Variants in LTBP1 observed in about 807,000 individuals in gnomAD.
LTBP1 encodes latent-transforming growth factor beta-binding protein 1.
In LTBP1, 129 loss-of-function variants were observed where a neutral mutation model predicts 207.6. That is an observed-to-expected ratio of 0.62 (90% CI 0.54 to 0.72). LTBP1 has a LOEUF of 0.72. LTBP1 is among the 30% of genes least tolerant of loss of function. The pLI is 0.00. For synonymous variants in LTBP1, 963 were observed against 833.7 expected (o/e 1.16, Z -2.67); for missense variants, 2,281 against 2,217.2 (o/e 1.03, Z -0.58).
At chr2:33,157,857 A>G (rs1338683209) in intron 5 of LTBP1, among the ~76,000 whole-genome samples, 3 of 152,146 alleles carry the variant, frequency 2.0e-5, no homozygotes, top group Non-Finnish European at 2.9e-5. Context: ...AAGAGAAAAT[A>G]TAGGCCACAT....
intron 5 of LTBP1, among the ~76,000 whole-genome samples, chr2:33,175,895 G>C (rs4442976): frequency 8.9e-6 from 1 of 111,938 alleles, no homozygotes; most frequent in African/African-American, 3.3e-5. Context: ...CTCAGTAAAC[G>C]ATCGCAAGAA....
chr2:32,948,311 C>T (rs1377774382), intron 1 of LTBP1, among the ~76,000 whole-genome samples: 1 of 152,174 alleles, frequency 6.6e-6, no homozygotes, highest in East Asian at 1.9e-4. Context: ...TTCGCTGCAC[C>T]TGTGGGGTCT....
At chr2:33,200,451 T>C (rs1381913515) in intron 7 of LTBP1, among the ~76,000 whole-genome samples, 7 of 151,984 alleles carry the variant, frequency 4.6e-5, no homozygotes, top group Admixed American at 3.3e-4. Context: ...GGATCTCTTC[T>C]TTATACCTTA....
intron 3 of LTBP1, among the ~76,000 whole-genome samples, chr2:33,102,414 A>G (rs2079790734): frequency 6.6e-6 from 1 of 152,180 alleles, no homozygotes; most frequent in South Asian, 2.1e-4. Flanking sequence ...CTGAGAAGCA[A>G]ATACAGCCCC....
chr2:33,398,419 G>C lies in LTBP1; in HGVS notation c.5040G>C (p.Lys1680Asn), dbSNP rs750533561. 1.4e-5 allele frequency: 23 copies of C among 1,614,060 alleles called. No individual in the cohort carries two copies. Among genetic ancestry groups the C allele is most frequent in the Non-Finnish European group, 1.9e-5 (22 of 1,180,024 alleles). Residue 1680 changes from lysine (K) to asparagine (N), a missense_variant, in exon 34 of 34, where the codon AAG becomes AAC. Lys to Asn is a moderately conservative substitution (Grantham distance 94). Coordinates refer to ENST00000404816, the MANE Select transcript of LTBP1 (RefSeq NM_206943.4). ...GGATGTCTCTCTGCAAGAATGCCAA[G>C]TGCATTAACACCGATGGTTCCTACA... Reference protein sequence around the residue: ...NNRMSLCKNAKCINTDGSYKC... With the variant: ...NNRMSLCKNANCINTDGSYKC...
intron 24 of LTBP1, 38 bp downstream of exon 24, chr2:33,315,307 AAAAG>A: frequency 1.2e-6 from 2 of 1,608,142 alleles, no homozygotes; most frequent in Non-Finnish European, 1.7e-6. Context: ...GTTGTGTGAT[AAAAG>A]AGAGAGGAGA....
chr2:32,978,484 T>C (rs1049038081), intron 2 of LTBP1, among the ~76,000 whole-genome samples: 36 of 152,344 alleles, frequency 2.4e-4, no homozygotes, highest in African/African-American at 7.9e-4. Flanking sequence ...TCCTTCATTC[T>C]GTTGATATGA....
intron 3 of LTBP1, among the ~76,000 whole-genome samples, chr2:33,057,920 G>C (rs2077084442): frequency 6.6e-6 from 1 of 152,264 alleles, no homozygotes; most frequent in Non-Finnish European, 1.5e-5. Context: ...CGGCCAGAAT[G>C]GGCGCCAAGG....
chr2:33,106,606 AT>A (rs1438563554), intron 3 of LTBP1, among the ~76,000 whole-genome samples: 9 of 151,640 alleles, frequency 5.9e-5, no homozygotes, highest in Non-Finnish European at 1.3e-4. Context: ...TTGAAAGGAA[AT>A]CTTTTTCTTT....
At position 33,231,506 on chromosome 2, in the gene LTBP1, A is replaced by G. The variant is rs997909822; in HGVS notation, c.1876+9355A>G. Among the ~76,000 whole-genome samples the G allele has an allele frequency of 5.3e-5, 8 of 152,328 alleles. No individual in the cohort carries two copies. In the South Asian group the frequency reaches 1.0e-3, roughly 20 times the overall value. On this transcript the variant is annotated intron_variant, in intron 9 of 33. Coordinates refer to ENST00000404816, the MANE Select transcript of LTBP1 (RefSeq NM_206943.4). ...TATTCTGCATAAGGACTTTTTGGCT[A>G]CAAAGCGCTTGTCTGGACTGTAGCT...
chr2:33,365,891 A>G (rs1401676143), intron 31 of LTBP1, among the ~76,000 whole-genome samples: 3 of 152,202 alleles, frequency 2.0e-5, no homozygotes, highest in African/African-American at 7.2e-5. Flanking sequence ...ACGGTAGAAA[A>G]TCATTCTAGG....
intron 9 of LTBP1, among the ~76,000 whole-genome samples, chr2:33,240,096 C>T (rs1279469599): frequency 1.3e-5 from 2 of 152,156 alleles, no homozygotes; most frequent in African/African-American, 4.8e-5. Context: ...GTTTACCATT[C>T]ACCCGTCACG....
chr2:33,293,339 A>T, intron 20 of LTBP1, 57 bp downstream of exon 20: 1 of 1,522,652 alleles, frequency 6.6e-7, no homozygotes, highest in Admixed American at 2.1e-5. Flanking sequence ...AATATAGATT[A>T]GAGCAATTAG....
At chr2:33,044,125 G>T (rs2076328739) in intron 3 of LTBP1, among the ~76,000 whole-genome samples, 2 of 139,092 alleles carry the variant, frequency 1.4e-5, no homozygotes, top group South Asian at 4.5e-4. Flanking sequence ...AAAGGAAAAA[G>T]TATTTTTTTT....
chr2:33,317,244 C>T (rs2094286896), intron 24 of LTBP1, among the ~76,000 whole-genome samples: 1 of 152,156 alleles, frequency 6.6e-6, no homozygotes, highest in Admixed American at 6.5e-5. Context: ...AATTACTGTA[C>T]TCATTGAGTA....
chr2:33,248,409 G>A (rs767075649), intron 10 of LTBP1, among the ~76,000 whole-genome samples: 1 of 152,154 alleles, frequency 6.6e-6, no homozygotes, highest in Non-Finnish European at 1.5e-5. Context: ...AACTGGATCT[G>A]TCTCACTCCA....
chr2:33,021,166 C>T lies in LTBP1; in HGVS notation c.823C>T (p.Pro275Ser). The change falls in exon 3 of 34, where the codon CCG becomes TCG. Residue 275 changes from proline to serine, a missense_variant. Physicochemically the swap from Pro to Ser is moderately conservative, Grantham distance 74 (BLOSUM62 -1). Around this residue, in one of 3 missense-constraint regions of LTBP1, gnomAD observed 555 missense variants for 491.0 expected, o/e 1.13. Coordinates refer to ENST00000404816, the MANE Select transcript of LTBP1 (RefSeq NM_206943.4). ...GGCCCAGATGACCTTAACCCTCAAGCCGAAGCCTTCAGTGGGACTCCCCCA... is the reference window on the plus strand; with the variant it reads ...GGCCCAGATGACCTTAACCCTCAAGTCGAAGCCTTCAGTGGGACTCCCCCA... Reference protein sequence around the residue: ...PVAQMTLTLKPKPSVGLPQQI... With the variant: ...PVAQMTLTLKSKPSVGLPQQI... 1 of 1,609,456 alleles carries T rather than the reference C, an allele frequency of 6.2e-7. No homozygotes were observed. Among genetic ancestry groups the T allele is most frequent in the Non-Finnish European group, 8.5e-7 (1 of 1,176,960 alleles).
chr2:33,024,555 A>G (rs905596408), intron 3 of LTBP1, among the ~76,000 whole-genome samples: 3 of 152,194 alleles, frequency 2.0e-5, no homozygotes, highest in African/African-American at 4.8e-5. Flanking sequence ...CTTTGGCTGA[A>G]TTGGTTTTAG....
chr2:33,327,934 G>A (rs976329480), intron 24 of LTBP1, among the ~76,000 whole-genome samples: 23 of 151,710 alleles, frequency 1.5e-4, no homozygotes, highest in African/African-American at 4.4e-4. Flanking sequence ...TCAGCAGTTC[G>A]AGACCACCCT....
Sources: gnomAD v4.1 joint callset for allele counts (sites outside exome capture counted in the v4.1 genomes callset) on GRCh38, gnomAD v4.1.1 for gene constraint, gnomAD v4.1.1 regional missense constraint, MANE v1.5 for transcripts, NCBI Gene and HGNC (gene_info 2026-07-23, HGNC 2026-07-21) for gene names.